Variants in PIK3CB observed in about 807,000 individuals in gnomAD.
The protein encoded by PIK3CB is phosphatidylinositol-4,5-bisphosphate 3-kinase catalytic subunit beta, also known as phosphatidylinositol 4,5-bisphosphate 3-kinase catalytic subunit beta isoform.
PIK3CB carries 39 observed loss-of-function variants against 136.8 expected under a neutral mutation model. The ratio of observed to expected loss-of-function variants is 0.29; its 90% confidence interval spans 0.22 to 0.37. The LOEUF is 0.37. Ranked by LOEUF, PIK3CB falls within the 10% of genes least tolerant of loss-of-function variation. The pLI is 1.00. For missense variants in PIK3CB, 868 were observed against 1,275.4 expected (o/e 0.68, Z 4.87); for synonymous variants, 428 against 436.6 (o/e 0.98, Z 0.25).
intron 19 of PIK3CB, among the ~76,000 whole-genome samples, chr3:138,672,210 C>T (rs904938928): frequency 6.6e-5 from 10 of 151,978 alleles, no homozygotes; most frequent in Non-Finnish European, 1.0e-4. Context: ...AATATCTTTT[C>T]ATTGATCAGA....
At chr3:138,785,960 C>T (rs2045978173) in intron 2 of PIK3CB, among the ~76,000 whole-genome samples, 1 of 151,604 alleles carries the variant, frequency 6.6e-6, no homozygotes, top group East Asian at 1.9e-4. Context: ...TAATAGTTTA[C>T]AATAGGAAAA....
intron 2 of PIK3CB, among the ~76,000 whole-genome samples, chr3:138,791,299 C>T (rs1167361401): frequency 3.3e-5 from 5 of 152,028 alleles, no homozygotes; most frequent in South Asian, 2.1e-4. Context: ...TGCGCCACCA[C>T]GCCCGACTGA....
At chr3:138,674,925 G>T (rs930094472) in intron 19 of PIK3CB, among the ~76,000 whole-genome samples, 1 of 152,058 alleles carries the variant, frequency 6.6e-6, no homozygotes, top group African/African-American at 2.4e-5. Context: ...GAGTTGTAGT[G>T]GCCGCTTGTC....
chr3:138,792,837 G>A (rs1292598210), intron 2 of PIK3CB, among the ~76,000 whole-genome samples: 1 of 152,090 alleles, frequency 6.6e-6, no homozygotes, highest in Non-Finnish European at 1.5e-5. Context: ...GAGTGCAGTG[G>A]TCCAATTACA....
At chr3:138,733,325 A>G in intron 8 of PIK3CB, 36 bp downstream of exon 8, 1 of 929,388 alleles carries the variant, frequency 1.1e-6, no homozygotes, top group Non-Finnish European at 1.7e-6. Context: ...CAAATACTGG[A>G]GCGGATGGCA....
chr3:138,808,328 A>T (rs186537716), intron 1 of PIK3CB, among the ~76,000 whole-genome samples: 41 of 152,284 alleles, frequency 2.7e-4, no homozygotes, highest in African/African-American at 9.4e-4. Flanking sequence ...TGTAATATGT[A>T]AACCTATAAA....
intron 15 of PIK3CB, 58 bp downstream of exon 15, chr3:138,690,942 G>A (rs2043994928): frequency 1.5e-6 from 2 of 1,305,378 alleles, no homozygotes; most frequent in African/African-American, 3.0e-5. Flanking sequence ...AATATATTAT[G>A]CTTGTTTATA....
At chr3:138,689,876 C>T (rs1212127159) in intron 15 of PIK3CB, among the ~76,000 whole-genome samples, 1 of 152,098 alleles carries the variant, frequency 6.6e-6, no homozygotes, top group Non-Finnish European at 1.5e-5. Context: ...GGCAATCTTA[C>T]CAATTTAAAG....
intron 19 of PIK3CB, among the ~76,000 whole-genome samples, chr3:138,666,691 G>A (rs1559799983): frequency 6.6e-6 from 1 of 152,072 alleles, no homozygotes; most frequent in Non-Finnish European, 1.5e-5. Context: ...TAAAGATCAG[G>A]TAGCTACAGA....
rs915930172 is a variant in PIK3CB at position 138,655,286 on chromosome 3, A to T, written c.*103T>A. ...ATTTAACTCTGAGTTCCAGGATTTC[A>T]TTCCCTTTATAACATCTCTAACAGG... On this transcript the variant is annotated 3_prime_UTR_variant, in exon 24 of 24. Transcript: ENST00000674063. 8.7e-7 allele frequency: 1 copy of T among 1,153,310 alleles called. No homozygotes were observed. 71.4% of individuals were successfully genotyped at this position (1,153,310 alleles called of 1,614,324 possible). A position where few individuals can be genotyped will look rare whatever the true frequency, so the allele number is the denominator to read the frequency against.
Position 138,657,773 on chromosome 3 carries a change from C to T in PIK3CB, c.2859G>A (p.Arg953=). 6.2e-7 allele frequency: 1 copy of T among 1,612,484 alleles called. No individual in the cohort carries two copies. The change falls in exon 22 of 24, where the codon AGG becomes AGA. Residue 953 remains arginine (R), a synonymous_variant. Coordinates refer to ENST00000674063, the MANE Select transcript of PIK3CB (RefSeq NM_006219.3). ...AGGTAAGAATAAAAGGCACTCGCTC[C>T]CTTTTAATGCCAAACTTAGATTTGA... ...GNFKSKFGIK[R]ERVPFILTYD...
At chr3:138,733,504 G>GC in intron 7 of PIK3CB, 66 bp from the exon 8 acceptor site, 1 of 801,142 alleles carries the variant, frequency 1.2e-6, no homozygotes, top group Non-Finnish European at 2.0e-6. Flanking sequence ...TGCTAGCAAT[G>GC]CAATTGTCAT....
At position 138,734,688 on chromosome 3, in the gene PIK3CB, T is replaced by C. The variant is rs2108644564; in HGVS notation, c.918A>G (p.Arg306=). 6.2e-7 allele frequency: 1 copy of C among 1,613,290 alleles called. No homozygotes were observed. Residue 306 remains arginine, a synonymous_variant, in exon 7 of 24, where the codon CGA becomes CGG. Coordinates refer to ENST00000674063, the MANE Select transcript of PIK3CB (RefSeq NM_006219.3). ...EMIAIEAAIN[R]NSSNLPLPLP... ...ATGGAAGAGGAAGATTAGATGAATT[T>C]CGATTTATGGCAGCCTCTATGGCAA...
chr3:138,677,887 C>T lies in PIK3CB; in HGVS notation c.2504+4080G>A, dbSNP rs1324740756. On this transcript the variant is annotated intron_variant, in intron 19 of 23. Coordinates refer to ENST00000674063, the MANE Select transcript of PIK3CB (RefSeq NM_006219.3). ...TCTGGCCTGGGCAACAAGAGGGAAA[C>T]TCCCGTTTCAAACAAAAAAAACTTG... Among the ~76,000 whole-genome samples the T allele has an allele frequency of 3.3e-5, 5 of 152,132 alleles. No individual in the cohort carries two copies. In the East Asian group the frequency reaches 9.6e-4, roughly 29 times the overall value.
rs1006502395 is a variant in PIK3CB, at chr3:138,653,780, C to T, written c.*1609G>A. ...GCCTTGGCTCAGTGCCAAGTAACTA[C>T]CCAGACTTCAGGACACCTCCCATAT... On this transcript the variant is annotated 3_prime_UTR_variant, in exon 24 of 24. Coordinates refer to ENST00000674063, the MANE Select transcript of PIK3CB (RefSeq NM_006219.3). The T allele has an allele frequency of 1.5e-5, 3 of 193,680 alleles. No homozygotes were observed. Among genetic ancestry groups the T allele is most frequent in the Non-Finnish European group, 3.2e-5 (3 of 92,988 alleles). 12.0% of individuals were successfully genotyped at this position (193,680 alleles called of 1,614,324 possible).
intron 4 of PIK3CB, among the ~76,000 whole-genome samples, chr3:138,748,220 C>G (rs1368998253): frequency 6.6e-6 from 1 of 150,976 alleles, no homozygotes; most frequent in Non-Finnish European, 1.5e-5. Context: ...ACAATTTTAT[C>G]AATCGTAATC....
chr3:138,763,391 C>T (rs1307755820), intron 2 of PIK3CB, among the ~76,000 whole-genome samples: 1 of 152,152 alleles, frequency 6.6e-6, no homozygotes, highest in Non-Finnish European at 1.5e-5. Flanking sequence ...CCCGCCTCGG[C>T]CTCCCAAAGT....
In PIK3CB at chr3:138,822,052, C is replaced by T. The variant is rs188416732; in HGVS notation, c.-122+12643G>A. On this transcript the variant is annotated intron_variant, in intron 1 of 23. Transcript: ENST00000674063. Reference sequence around the variant, plus strand: ...TATAATCCCAGATACTGGGGAGGCTCGCTTGAGCTCAGGAGGTCCACACTG... The same window carrying T: ...TATAATCCCAGATACTGGGGAGGCTTGCTTGAGCTCAGGAGGTCCACACTG... Among the ~76,000 whole-genome samples, 47 of 152,006 alleles carry T rather than the reference C, an allele frequency of 3.1e-4. No individual in the cohort carries two copies. The East Asian group carries it at 8.0e-3, about 26-fold the overall frequency.
chr3:138,832,721 C>T (rs1934087529), intron 1 of PIK3CB, among the ~76,000 whole-genome samples: 1 of 147,594 alleles, frequency 6.8e-6, no homozygotes, highest in South Asian at 2.2e-4. Flanking sequence ...CCCAACTACT[C>T]GGGAGGCTAT....
Sources: allele counts gnomAD v4.1 joint callset (sites outside exome capture counted in the v4.1 genomes callset), GRCh38; gene constraint gnomAD v4.1.1; transcripts MANE v1.5; gene names NCBI Gene and HGNC (gene_info 2026-07-23, HGNC 2026-07-21).